KIF5A: variants seen among roughly 807,000 people sequenced by gnomAD.
The protein encoded by KIF5A is kinesin heavy chain isoform 5A.
In KIF5A, 35 loss-of-function variants were observed where a neutral mutation model predicts 141.3. The observed-to-expected ratio is 0.25, with a 90% CI of 0.19 to 0.33. The LOEUF is 0.33. Ranked by LOEUF, KIF5A falls within the 10% of genes least tolerant of loss-of-function variation. The probability of loss-of-function intolerance (pLI) is 1.00; values close to 1 mark genes in which losing one functional copy is unlikely to be tolerated. For synonymous variants in KIF5A, 448 were observed against 500.2 expected, an observed-to-expected ratio of 0.90 and a Z score of 1.39; for missense variants, 861 against 1,314.3, an observed-to-expected ratio of 0.66 and a Z score of 5.33.
chr12:57,580,923 C>G, intron 23 of KIF5A, 33 bp from the exon 24 acceptor site: 3 of 1,609,312 alleles, frequency 1.9e-6, no homozygotes, highest in Non-Finnish European at 2.6e-6. Context: ...ACTTGCCTTC[C>G]TTTCCACTTC....
At chr12:57,569,095 C>G (rs1210238393) in intron 9 of KIF5A, 28 bp downstream of exon 9, 1 of 1,583,510 alleles carries the variant, frequency 6.3e-7, no homozygotes, top group Admixed American at 1.7e-5. Flanking sequence ...CCCCTCACCC[C>G]TCAAGCCACA....
intron 1 of KIF5A, among the ~76,000 whole-genome samples, chr12:57,551,706 A>G (rs958274470): frequency 2.1e-4 from 32 of 152,190 alleles, no homozygotes; most frequent in Non-Finnish European, 4.7e-4. Flanking sequence ...GGCTTGTTAA[A>G]GGAATGAAGG....
chr12:57,569,693 G>C lies in KIF5A; in HGVS notation c.1117+10G>C. On this transcript the variant is annotated intron_variant, in intron 11 of 28. Transcript: ENST00000455537. ...AGCCGGTGGCGCAATGGTTAGAGAG[G>C]GATAGGTGGGAGTGAGGGGCAGTGG... The C allele has an allele frequency of 1.2e-6, 2 of 1,612,956 alleles. No individual in the cohort carries two copies. The highest frequency in any genetic ancestry group is 1.7e-6 in the Non-Finnish European group (2 of 1,179,740).
rs1381639610 is a variant in KIF5A at position 57,581,461 on chromosome 12, C to G, written c.2802C>G (p.Asn934Lys). 18 of 1,614,068 alleles carry G rather than the reference C, an allele frequency of 1.1e-5. No homozygotes were observed. The highest frequency in any genetic ancestry group is 1.5e-5 in the Non-Finnish European group (18 of 1,180,022). ...PGHYPASSPTNPYGTRSPECI... is the reference protein window; with the variant it reads ...PGHYPASSPTKPYGTRSPECI... ...ACTACCCAGCATCCTCACCCACCAA[C>G]CCCTATGGCACCCGGAGCCCTGAGT... Residue 934 changes from asparagine (N) to lysine (K), a missense_variant, in exon 25 of 29, where the codon AAC (asparagine) becomes AAG (lysine). Around this residue, in one of 5 missense-constraint regions of KIF5A, gnomAD observed 482 missense variants for 661.3 expected, o/e 0.73. Coordinates refer to ENST00000455537, the MANE Select transcript of KIF5A (RefSeq NM_004984.4).
intron 1 of KIF5A, among the ~76,000 whole-genome samples, chr12:57,553,999 A>T (rs1881658312): frequency 6.6e-6 from 1 of 152,148 alleles, no homozygotes; most frequent in African/African-American, 2.4e-5. Flanking sequence ...AGAATTACAT[A>T]CTTCTGAAAA....
intron 20 of KIF5A, 82 bp downstream of exon 20, chr12:57,576,944 C>T: frequency 1.0e-6 from 1 of 1,003,004 alleles, no homozygotes; most frequent in Admixed American, 1.9e-5. Flanking sequence ...AGAGGCAGGA[C>T]ACACATGCAG....
chr12:57,577,955 G>C (rs948361053), intron 21 of KIF5A, 54 bp from the exon 22 acceptor site: 17 of 1,434,724 alleles, frequency 1.2e-5, no homozygotes, highest in Non-Finnish European at 1.5e-5. Context: ...AATTCTGGAG[G>C]AATAGGACAG....
chr12:57,575,427 A>G (rs1161723851), intron 16 of KIF5A, among the ~76,000 whole-genome samples, 155 bp downstream of exon 16: 2 of 152,178 alleles, frequency 1.3e-5, no homozygotes, highest in Non-Finnish European at 2.9e-5. Context: ...GGTGCAGATC[A>G]GGGCCAAAAA....
At position 57,550,897 on chromosome 12, in the gene KIF5A, C is replaced by A. The variant is rs1343651412; in HGVS notation, c.129+497C>A. Among the ~76,000 whole-genome samples, 3 of 152,064 alleles carry A rather than the reference C, an allele frequency of 2.0e-5. No individual in the cohort carries two copies. The highest frequency in any genetic ancestry group is 2.9e-5 in the Non-Finnish European group (2 of 68,016). On this transcript the variant is annotated intron_variant, in intron 1 of 28. Transcript: ENST00000455537. The surrounding 1 kb of genome is among the most constrained non-coding windows in gnomAD (Gnocchi z 4.6). Reference sequence around the variant, plus strand: ...CTAAGACCAAACCTTCCATCATTCCCTAAAGTAGTTATAGCCTGGATTTTT... The same window carrying A: ...CTAAGACCAAACCTTCCATCATTCCATAAAGTAGTTATAGCCTGGATTTTT...
intron 16 of KIF5A, 127 bp downstream of exon 16, chr12:57,575,399 A>G: frequency 8.5e-7 from 1 of 1,180,678 alleles, no homozygotes; most frequent in East Asian, 2.5e-5. Flanking sequence ...TCAAGGACAG[A>G]AAAGCTGGGG....
In KIF5A at chr12:57,564,460, G is replaced by A; in HGVS notation, c.397G>A (p.Val133Ile). 1 of 1,610,364 alleles carries A rather than the reference G, an allele frequency of 6.2e-7. No homozygotes were observed. The highest frequency in any genetic ancestry group is 8.5e-7 in the Non-Finnish European group (1 of 1,176,702). ...ACACTCCTTCTTTCTTCTTAACCAG[G>A]TTTCTTACTTTGAAATTTACCTGGA... ...MDENLEFHIKVSYFEIYLDKI... is the reference protein window; with the variant it reads ...MDENLEFHIKISYFEIYLDKI... Residue 133 changes from valine (V) to isoleucine (I), a missense_variant and splice_region_variant, in exon 5 of 29, where the codon GTT becomes ATT. By Grantham distance (29) the Val-to-Ile change is conservative. Around this residue, in one of 5 missense-constraint regions of KIF5A, gnomAD observed 146 missense variants for 353.4 expected, o/e 0.41. Transcript: ENST00000455537.
At chr12:57,565,042 G>A (rs1438079506) in intron 6 of KIF5A, 69 bp downstream of exon 6, 1 of 1,418,778 alleles carries the variant, frequency 7.0e-7, no homozygotes, top group African/African-American at 1.4e-5. Context: ...AGGAGCATAG[G>A]TCAGTGACCC....
At chr12:57,577,958 T>C in intron 21 of KIF5A, 51 bp from the exon 22 acceptor site, 2 of 1,457,474 alleles carry the variant, frequency 1.4e-6, no homozygotes, top group Non-Finnish European at 9.6e-7. Flanking sequence ...TCTGGAGGAA[T>C]AGGACAGACC....
At chr12:57,569,453 C>A (rs992574551) in intron 10 of KIF5A, 49 bp downstream of exon 10, 3 of 1,613,464 alleles carry the variant, frequency 1.9e-6, no homozygotes, top group Admixed American at 1.7e-5. Context: ...GCTTCCCATC[C>A]CAGCCTCTGC....
At chr12:57,567,844 T>C (rs1882116143) in intron 8 of KIF5A, among the ~76,000 whole-genome samples, 1 of 151,062 alleles carries the variant, frequency 6.6e-6, no homozygotes, top group South Asian at 2.1e-4. Flanking sequence ...GTATTTTTAG[T>C]AGAGAGGGGA....
intron 15 of KIF5A, among the ~76,000 whole-genome samples, chr12:57,573,073 T>C (rs183235533): frequency 6.4e-4 from 97 of 152,168 alleles, no homozygotes; most frequent in South Asian, 3.5e-3. Context: ...CACCTGTAAT[T>C]CCAGCTACTC....
rs1882249968 is a variant in KIF5A, at chr12:57,571,359, G to A, written c.1332G>A (p.Lys444=). The part of the protein sequence containing the change: ...EINQQSQLIE[K]LKQQMLDQEE... ...ACCAACAAAGCCAACTCATAGAGAA[G>A]CTCAAGCAGCAAATGCTGGACCAGG... Residue 444 remains lysine, a synonymous_variant, in exon 13 of 29, where the codon AAG becomes AAA. Coordinates refer to ENST00000455537, the MANE Select transcript of KIF5A (RefSeq NM_004984.4). 1 of 1,613,718 alleles carries A rather than the reference G, an allele frequency of 6.2e-7. No homozygotes were observed. The highest frequency in any genetic ancestry group is 1.7e-5 in the Admixed American group (1 of 59,974).
intron 16 of KIF5A, 82 bp downstream of exon 16, chr12:57,575,354 C>A: frequency 7.2e-7 from 1 of 1,396,636 alleles, no homozygotes; most frequent in Non-Finnish European, 1.0e-6. Flanking sequence ...CTCCTAACAC[C>A]CACCTTTATG....
rs750749191 is a variant in KIF5A at position 57,584,912 on chromosome 12, C to T, written c.*731C>T. 6.6e-6 allele frequency: 1 copy of T among 152,158 alleles called. No homozygotes were observed. Among genetic ancestry groups the T allele is most frequent in the East Asian group, 1.9e-4 (1 of 5,196 alleles). 9.4% of individuals were successfully genotyped at this position (152,158 alleles called of 1,614,324 possible). On this transcript the variant is annotated 3_prime_UTR_variant, in exon 29 of 29. Transcript: ENST00000455537. ...GACCATTTCCCTTTTTCTTCAAGCT[C>T]CTTTTGATATTCCCTGCCCCAGAGC...
Sources: allele counts gnomAD v4.1 joint callset (sites outside exome capture counted in the v4.1 genomes callset), GRCh38; gene constraint gnomAD v4.1.1; regional missense constraint gnomAD v4.1.1; non-coding constraint Gnocchi (gnomAD v3.1); transcripts MANE v1.5; gene names NCBI Gene and HGNC (gene_info 2026-07-23, HGNC 2026-07-21).